Variants in DTNA observed in about 807,000 individuals in gnomAD.
DTNA encodes the protein dystrobrevin alpha.
Under a neutral mutation model 100.7 loss-of-function variants are expected in DTNA, and 43 were observed. The ratio of observed to expected loss-of-function variants is 0.43; its 90% CI spans 0.33 to 0.55. The LOEUF is 0.55. DTNA is among the 20% of genes least tolerant of loss of function. DTNA has a pLI of 0.04. For synonymous variants in DTNA, 349 were observed against 347.9 expected (o/e 1.00, Z -0.04); for missense variants, 798 against 953.9 (o/e 0.84, Z 2.15).
chr18:34,587,026 G>A (rs1245283489), intron 1 of DTNA, among the ~76,000 whole-genome samples: 1 of 151,678 alleles, frequency 6.6e-6, no homozygotes, highest in African/African-American at 2.4e-5. Context: ...GCAGTGGTGT[G>A]ATCACAGCTC....
chr18:34,695,255 C>T (rs2080358542), intron 1 of DTNA, among the ~76,000 whole-genome samples: 1 of 152,134 alleles, frequency 6.6e-6, no homozygotes, highest in Admixed American at 6.6e-5. Flanking sequence ...TCGTCTAACC[C>T]TGGGGCTGTT....
chr18:34,655,754 T>A (rs990908072), intron 1 of DTNA, among the ~76,000 whole-genome samples: 2 of 152,220 alleles, frequency 1.3e-5, no homozygotes, highest in Admixed American at 1.3e-4. Flanking sequence ...TTTAACCAAA[T>A]AACTCACTGT....
chr18:34,815,850 A>G (rs1443679532), intron 6 of DTNA, 59 bp from the exon 7 acceptor site: 2 of 1,339,900 alleles, frequency 1.5e-6, no homozygotes, highest in Non-Finnish European at 2.1e-6. Flanking sequence ...TGATATTTAC[A>G]TAGCAGGTAA....
intron 9 of DTNA, among the ~76,000 whole-genome samples, chr18:34,822,059 G>T (rs1411195147): frequency 2.0e-5 from 3 of 152,226 alleles, no homozygotes; most frequent in South Asian, 2.1e-4. Flanking sequence ...AGTATACACA[G>T]CCTGGAGGCT....
chr18:34,567,038 A>G (rs1011035201), intron 1 of DTNA, among the ~76,000 whole-genome samples: 5 of 152,152 alleles, frequency 3.3e-5, no homozygotes, highest in African/African-American at 1.2e-4. Context: ...TCGTCAATAT[A>G]CCATCAATTT....
At chr18:34,727,901 A>T in intron 1 of DTNA, among the ~76,000 whole-genome samples, 1 of 152,152 alleles carries the variant, frequency 6.6e-6, no homozygotes, top group Non-Finnish European at 1.5e-5. Context: ...GTGAAAGAGG[A>T]TATGTTTTTT....
chr18:34,672,378 A>G (rs1313326552), intron 1 of DTNA, among the ~76,000 whole-genome samples: 4 of 152,208 alleles, frequency 2.6e-5, no homozygotes, highest in South Asian at 4.1e-4. Flanking sequence ...AAAAGATACA[A>G]AATGAGATAA....
In DTNA at chr18:34,564,387, G is replaced by A. The variant is rs112214629; in HGVS notation, c.-2+70873G>A. On this transcript the variant is annotated intron_variant, in intron 1 of 19. Transcript: ENST00000283365. ...TCGAATTCCTGACCTCAAGTGATCC[G>A]CCCGCCTCTGCCTCCCAAAGTGCTG... Among the ~76,000 whole-genome samples the A allele has an allele frequency of 6.6e-3, 1,003 of 151,976 alleles. 6 individuals carry two copies. The highest frequency in any genetic ancestry group is 0.016 in the South Asian group (79 of 4,814).
At chr18:34,632,697 A>G (rs1668075135) in intron 1 of DTNA, among the ~76,000 whole-genome samples, 1 of 152,162 alleles carries the variant, frequency 6.6e-6, no homozygotes, top group South Asian at 2.1e-4. Flanking sequence ...GAACTTCAGC[A>G]TTTGCTACAA....
At chr18:34,874,613 A>G (rs1489723208) in intron 17 of DTNA, among the ~76,000 whole-genome samples, 1 of 152,142 alleles carries the variant, frequency 6.6e-6, no homozygotes, top group Non-Finnish European at 1.5e-5. Context: ...AGGAAATAAT[A>G]CCAAAAAATT....
At chr18:34,532,696 T>G (rs2043262763) in intron 1 of DTNA, among the ~76,000 whole-genome samples, 1 of 152,078 alleles carries the variant, frequency 6.6e-6, no homozygotes, top group Admixed American at 6.6e-5. Flanking sequence ...CTCACTTGGC[T>G]ACCTCCCTAG....
chr18:34,580,984 G>T (rs938018496), intron 1 of DTNA, among the ~76,000 whole-genome samples: 1 of 152,140 alleles, frequency 6.6e-6, no homozygotes, highest in African/African-American at 2.4e-5. Context: ...GGTGGCTCAC[G>T]CCTGTAATCC....
At chr18:34,844,434 C>T (rs1264165258) in intron 13 of DTNA, among the ~76,000 whole-genome samples, 3 of 152,110 alleles carry the variant, frequency 2.0e-5, no homozygotes, top group Admixed American at 6.6e-5. Context: ...TCTACCCTGA[C>T]TCTCTTGAGC....
rs2046013421 is a variant in DTNA at position 34,556,120 on chromosome 18, T to C, written c.-2+62606T>C. ...TGTTGAATTGATCCCTTTACCATTA[T>C]GTAATGGCCTTCTTTGTCTCTTTTG... On this transcript the variant is annotated intron_variant, in intron 1 of 19. Coordinates refer to the DTNA transcript ENST00000283365. Among the ~76,000 whole-genome samples the C allele has an allele frequency of 2.0e-5, 3 of 151,674 alleles. No individual in the cohort carries two copies. The South Asian group carries it at 6.3e-4, about 32-fold the overall frequency.
At position 34,851,993 on chromosome 18, in the gene DTNA, G is replaced by A. The variant is rs907284230; in HGVS notation, c.1532+65G>A. On this transcript the variant is annotated intron_variant, in intron 15 of 22. Transcript: ENST00000444659. Reference sequence around the variant, plus strand: ...GCGCATTCCTTAATAAACTATGGTCGTGCTTTAAAGTTTCAGGGCTTTACA... The same window carrying A: ...GCGCATTCCTTAATAAACTATGGTCATGCTTTAAAGTTTCAGGGCTTTACA... 1.6e-5 allele frequency: 24 copies of A among 1,527,608 alleles called. No individual in the cohort carries two copies. The African/African-American group carries it at 1.6e-4, about 10-fold the overall frequency. 94.6% of individuals were successfully genotyped at this position (1,527,608 alleles called of 1,614,324 possible).
At chr18:34,584,529 A>T (rs1329001523) in intron 1 of DTNA, among the ~76,000 whole-genome samples, 2 of 152,274 alleles carry the variant, frequency 1.3e-5, no homozygotes, top group Admixed American at 6.5e-5. Context: ...AAGATGAGAG[A>T]CTCTTCTAGA....
intron 1 of DTNA, among the ~76,000 whole-genome samples, chr18:34,623,027 T>C (rs2056780072): frequency 6.6e-6 from 1 of 152,192 alleles, no homozygotes; most frequent in South Asian, 2.1e-4. Flanking sequence ...CATCAGACTC[T>C]CTTAAAAATA....
chr18:34,825,822 CAA>C (rs1476794699), intron 9 of DTNA, among the ~76,000 whole-genome samples: 2 of 152,220 alleles, frequency 1.3e-5, no homozygotes, highest in East Asian at 3.9e-4. Flanking sequence ...TAAAAAAAGA[CAA>C]AATCAGAAGT....
rs143372496 is a variant in DTNA, at chr18:34,534,301, A to G, written c.-2+40787A>G. On this transcript the variant is annotated intron_variant, in intron 1 of 19. Coordinates refer to the DTNA transcript ENST00000283365. Reference sequence around the variant, plus strand: ...TACTGTTCTTATATTATTGAGGCTTATGTGCCAGTCACTTAAAATAGTATT... The same window carrying G: ...TACTGTTCTTATATTATTGAGGCTTGTGTGCCAGTCACTTAAAATAGTATT... Among the ~76,000 whole-genome samples the G allele has an allele frequency of 4.6e-3, 700 of 152,228 alleles. 6 individuals are homozygous for G. The highest frequency in any genetic ancestry group is 0.015 in the African/African-American group (644 of 41,550).
Sources: allele counts gnomAD v4.1 joint callset (sites outside exome capture counted in the v4.1 genomes callset), GRCh38; gene constraint gnomAD v4.1.1; transcripts MANE v1.5; gene names NCBI Gene and HGNC (gene_info 2026-07-23, HGNC 2026-07-21).